Variants in OSBPL10 observed in about 807,000 individuals in gnomAD.
OSBPL10 encodes oxysterol-binding protein-related protein 10.
In OSBPL10, 49 loss-of-function variants were observed where a neutral mutation model predicts 81.7. That is an observed-to-expected ratio of 0.60 (90% CI 0.48 to 0.76). The LOEUF (loss-of-function observed/expected upper bound fraction) is 0.76. OSBPL10 is among the 30% of genes least tolerant of loss of function. The probability of loss-of-function intolerance (pLI) is 0.00; values close to 1 mark genes in which losing one functional copy is unlikely to be tolerated. For synonymous variants in OSBPL10, 419 were observed against 383.6 expected (o/e 1.09, Z -1.08); for missense variants, 923 against 987.8 (o/e 0.93, Z 0.88).
chr3:31,905,619 G>A (rs967441682), intron 1 of OSBPL10, among the ~76,000 whole-genome samples: 1 of 151,914 alleles, frequency 6.6e-6, no homozygotes, highest in East Asian at 1.9e-4. Flanking sequence ...CAAAGTGCTG[G>A]GATTACAGGA....
intron 2 of OSBPL10, among the ~76,000 whole-genome samples, chr3:32,001,483 G>A (rs921183462): frequency 7.2e-5 from 11 of 152,026 alleles, no homozygotes; most frequent in African/African-American, 2.7e-4. Flanking sequence ...CCTGACTCTC[G>A]TGCAAATGTG....
chr3:31,702,827 A>G (rs1416724117), intron 6 of OSBPL10, among the ~76,000 whole-genome samples: 2 of 152,220 alleles, frequency 1.3e-5, no homozygotes, highest in Non-Finnish European at 2.9e-5. Flanking sequence ...CATTTTGCCT[A>G]TTAGCAAGTA....
chr3:31,833,532 G>T (rs1002219003), intron 3 of OSBPL10, among the ~76,000 whole-genome samples: 7 of 152,056 alleles, frequency 4.6e-5, no homozygotes, highest in African/African-American at 1.7e-4. Flanking sequence ...AAAACCTTAT[G>T]GATTTTTAAA....
chr3:31,960,165 A>C (rs576561271), intron 1 of OSBPL10: 17 of 152,294 alleles, frequency 1.1e-4, no homozygotes, highest in African/African-American at 3.9e-4. Flanking sequence ...CTGATCTTGA[A>C]GCAGCTCACA....
At chr3:31,938,611 T>G (rs1380527038) in intron 1 of OSBPL10, among the ~76,000 whole-genome samples, 1 of 151,948 alleles carries the variant, frequency 6.6e-6, no homozygotes, top group Non-Finnish European at 1.5e-5. Context: ...TGGACTCAAG[T>G]GATCCTCCCA....
intron 4 of OSBPL10, among the ~76,000 whole-genome samples, chr3:31,748,806 TAAC>T (rs1218405515): frequency 6.6e-6 from 1 of 152,062 alleles, no homozygotes; most frequent in East Asian, 1.9e-4. Context: ...AAGCTTATCA[TAAC>T]AACAAAGACA....
chr3:31,812,830 AAGAAAGAAAGAAAGAACGAACTT>A (rs1256423226), intron 4 of OSBPL10, among the ~76,000 whole-genome samples: 4 of 138,954 alleles, frequency 2.9e-5, no homozygotes, highest in East Asian at 2.4e-4. Flanking sequence ...GAAAGAAAGA[AAGAAAGAAAGAAAGAACGAACTT>A]CTCCAATAAC....
chr3:31,717,530 T>C (rs1283563768), intron 6 of OSBPL10, among the ~76,000 whole-genome samples: 3 of 152,176 alleles, frequency 2.0e-5, no homozygotes, highest in Non-Finnish European at 2.9e-5. Context: ...AGAGCGAAAC[T>C]ACCACAGCCC....
rs76926485 is a variant in OSBPL10 at position 31,791,780 on chromosome 3, A to C, written c.729+38260T>G. On this transcript the variant is annotated intron_variant, in intron 4 of 11. Transcript: ENST00000396556. ...AAATAGACCACTAGGTAAGTAACTA[A>C]TTATGATCTTAAAAACATACAGTGC... is the stretch of plus-strand genomic sequence containing the variant. Among the ~76,000 whole-genome samples, 331 of 152,178 alleles carry C rather than the reference A, an allele frequency of 2.2e-3. 6 individuals are homozygous for C. The East Asian group carries it at 0.022, about 10-fold the overall frequency.
chr3:31,670,828 T>G lies in OSBPL10; in HGVS notation c.1882A>C (p.Thr628Pro), dbSNP rs1238532353. The G allele has an allele frequency of 6.2e-7, 1 of 1,613,976 alleles. No homozygotes were observed. Among genetic ancestry groups the G allele is most frequent in the Non-Finnish European group, 8.5e-7 (1 of 1,179,990 alleles). ...TGYSATVIFH[T>P]KPFYGGKVHR... ...ACTTTCCCTCCATAGAAAGGCTTCG[T>G]GTGGAATATCACTGTCGCTGAGTAC... The change falls in exon 9 of 12, where the codon ACG becomes CCG. Residue 628 changes from threonine to proline, a missense_variant. Thr to Pro is a conservative substitution (Grantham distance 38, BLOSUM62 -1). Transcript: ENST00000396556.
intron 7 of OSBPL10, among the ~76,000 whole-genome samples, chr3:31,685,401 C>A (rs138149434): frequency 5.1e-4 from 77 of 152,284 alleles, no homozygotes; most frequent in African/African-American, 1.7e-3. Flanking sequence ...CAAGGTCTCA[C>A]CATGTTGCCC....
intron 3 of OSBPL10, among the ~76,000 whole-genome samples, chr3:31,853,214 T>G (rs947201535): frequency 6.6e-6 from 1 of 152,198 alleles, no homozygotes; most frequent in African/African-American, 2.4e-5. Flanking sequence ...TTCTAGTTCC[T>G]GACCTGGCCT....
At chr3:31,893,809 A>G (rs1695976568) in intron 1 of OSBPL10, among the ~76,000 whole-genome samples, 1 of 152,232 alleles carries the variant, frequency 6.6e-6, no homozygotes, top group African/African-American at 2.4e-5. Context: ...GGAAACAGAG[A>G]GACAAAAAGA....
At chr3:31,852,391 C>T (rs559509745) in intron 3 of OSBPL10, among the ~76,000 whole-genome samples, 75 of 152,162 alleles carry the variant, frequency 4.9e-4, no homozygotes, top group African/African-American at 1.8e-3. Flanking sequence ...AACCGCTTCA[C>T]AACAACTATT....
Position 31,735,842 on chromosome 3 carries a change from T to G in OSBPL10, c.941-2431A>C, listed in dbSNP as rs532918378. On this transcript the variant is annotated intron_variant, in intron 5 of 11. Transcript: ENST00000396556. ...TCCTGGGACTTAGCACTGTCTGAAC[T>G]CACTAGCACACTCATTTACTTGTTG... Among the ~76,000 whole-genome samples the G allele has an allele frequency of 1.1e-3, 172 of 152,268 alleles. 1 individual carries two copies. Among genetic ancestry groups the G allele is most frequent in the Middle Eastern group, 3.4e-3 (1 of 294 alleles).
chr3:31,945,865 C>T (rs925955520), intron 1 of OSBPL10, among the ~76,000 whole-genome samples: 3 of 152,196 alleles, frequency 2.0e-5, no homozygotes, highest in Non-Finnish European at 2.9e-5. Flanking sequence ...ACTGGCCAAA[C>T]ATCTGCAGAT....
chr3:31,878,079 T>C (rs1701523049), intron 2 of OSBPL10, among the ~76,000 whole-genome samples: 1 of 152,156 alleles, frequency 6.6e-6, no homozygotes, highest in Non-Finnish European at 1.5e-5. Context: ...CTTTTTTTTA[T>C]AGTTACGCTT....
chr3:32,005,651 T>C lies in OSBPL10; in HGVS notation n.298+40840A>G, dbSNP rs771498485. Among the ~76,000 whole-genome samples the C allele has an allele frequency of 5.2e-4, 79 of 152,228 alleles. 1 individual carries two copies. Among genetic ancestry groups the C allele is most frequent in the Non-Finnish European group, 1.0e-4 (7 of 67,986 alleles). On this transcript the variant is annotated intron_variant and non_coding_transcript_variant, in intron 2 of 3. Transcript: ENST00000479173. ...TTGCCAGGCTGGAGTGCAGTGTCGC[T>C]GTCTCGGCTCACTGCAACCTCTGCC...
At chr3:32,044,741 C>CAAAA (rs34855965) in intron 2 of OSBPL10, among the ~76,000 whole-genome samples, 22 of 67,030 alleles carry the variant, frequency 3.3e-4, no homozygotes, top group East Asian at 1.4e-3. Context: ...AACTCCATCT[C>CAAAA]AAAAAAAAAA....
Sources: allele counts gnomAD v4.1 joint callset (sites outside exome capture counted in the v4.1 genomes callset), GRCh38; gene constraint gnomAD v4.1.1; transcripts MANE v1.5; gene names NCBI Gene and HGNC (gene_info 2026-07-23, HGNC 2026-07-21).